The following ANK2 variants were observed in gnomAD, a reference collection of about 807,000 sequenced individuals.
ANK2 encodes ankyrin 2.
ANK2 carries 83 observed loss-of-function variants against 360.5 expected under a neutral mutation model. The ratio of observed to expected loss-of-function variants is 0.23; its 90% CI spans 0.19 to 0.28. The LOEUF (loss-of-function observed/expected upper bound fraction) is 0.28, where lower values mean the gene tolerates loss of function less well. Among genes scored for constraint, ANK2 ranks in the 10% least tolerant of loss-of-function variants. ANK2 has a pLI of 1.00. For missense variants in ANK2, 4,201 were observed against 4,795.7 expected (o/e 0.88, Z 3.66); for synonymous variants, 1,740 against 1,759.5 (o/e 0.99, Z 0.28).
chr4:112,710,988 C>T, the ANK2 span, among the ~76,000 whole-genome samples: 1 of 148,372 alleles, frequency 6.7e-6, no homozygotes, highest in African/African-American at 2.5e-5. Flanking sequence ...TGATATTTTA[C>T]TATGTTGTCC....
At chr4:113,090,925 C>A (rs1463848032) in intron 1 of ANK2, among the ~76,000 whole-genome samples, 1 of 152,172 alleles carries the variant, frequency 6.6e-6, no homozygotes, top group African/African-American at 2.4e-5. Context: ...AGAGTTGTGG[C>A]TGAAGGATTC....
intron 2 of ANK2, among the ~76,000 whole-genome samples, chr4:113,179,928 A>G (rs1005820135): frequency 2.0e-5 from 3 of 152,264 alleles, no homozygotes; most frequent in African/African-American, 7.2e-5. Context: ...CATTTATTTA[A>G]TACAATCCTG....
chr4:112,730,206 T>C, the ANK2 span, among the ~76,000 whole-genome samples: 3 of 138,368 alleles, frequency 2.2e-5, no homozygotes, highest in African/African-American at 8.3e-5. Flanking sequence ...TGAGCTGAGA[T>C]TGCACCACTG....
In ANK2 at chr4:112,917,655, C is replaced by A. The variant is rs1432892718; in HGVS notation, c.21+13141C>A. 2.0e-5 allele frequency among the ~76,000 whole-genome samples: 3 copies of A among 152,248 alleles called. No individual in the cohort carries two copies. In the East Asian group the frequency reaches 5.8e-4, roughly 29 times the overall value. ...ATTTATCATGGTTCAGCATTGAATC[C>A]TTACTTTGTAGGCTCAGAAACTAAG... is the stretch of plus-strand genomic sequence containing the variant. On this transcript the variant is annotated intron_variant, in intron 2 of 30. Transcript: ENST00000503271.
chr4:112,755,225 G>A, the ANK2 span, among the ~76,000 whole-genome samples: 1 of 152,148 alleles, frequency 6.6e-6, no homozygotes, highest in Non-Finnish European at 1.5e-5. Flanking sequence ...GCTTCCTTGT[G>A]TTGTTTAACT....
At chr4:113,003,246 G>A (rs1412969472) in intron 2 of ANK2, among the ~76,000 whole-genome samples, 1 of 152,100 alleles carries the variant, frequency 6.6e-6, no homozygotes, top group Non-Finnish European at 1.5e-5. Context: ...TTATATAATT[G>A]CAAGGTCTCA....
intron 14 of ANK2, among the ~76,000 whole-genome samples, chr4:113,266,707 G>A (rs542961811): frequency 6.6e-6 from 1 of 152,298 alleles, no homozygotes; most frequent in East Asian, 1.9e-4. Flanking sequence ...GAGAAACCCT[G>A]TCTCTACTGA....
At chr4:113,305,116 G>A (rs1240967952) in intron 23 of ANK2, among the ~76,000 whole-genome samples, 3 of 151,412 alleles carry the variant, frequency 2.0e-5, no homozygotes, top group African/African-American at 4.9e-5. Context: ...CGAGGCGGGC[G>A]GATCACGAGG....
At chr4:112,710,440 A>G in the ANK2 span, among the ~76,000 whole-genome samples, 14 of 152,342 alleles carry the variant, frequency 9.2e-5, no homozygotes, top group Non-Finnish European at 2.1e-4. Flanking sequence ...TCACGCCTGT[A>G]ATCTCAGCAC....
chr4:113,375,786 T>A (rs890323730), intron 45 of ANK2, among the ~76,000 whole-genome samples: 1 of 151,910 alleles, frequency 6.6e-6, no homozygotes, highest in Non-Finnish European at 1.5e-5. Flanking sequence ...CCACAAACTC[T>A]TACTAAAATC....
intron 1 of ANK2, among the ~76,000 whole-genome samples, chr4:113,124,660 A>G (rs994500730): frequency 6.6e-6 from 1 of 152,126 alleles, no homozygotes; most frequent in Non-Finnish European, 1.5e-5. Flanking sequence ...TCCTTCTTCC[A>G]TGTTCCTTTA....
At chr4:113,067,352 C>T (rs1353753550) in intron 1 of ANK2, among the ~76,000 whole-genome samples, 1 of 151,990 alleles carries the variant, frequency 6.6e-6, no homozygotes, top group Non-Finnish European at 1.5e-5. Context: ...CCAAGATGGC[C>T]CCTTGGTGTG....
At chr4:113,108,930 C>T (rs1379583947) in intron 1 of ANK2, among the ~76,000 whole-genome samples, 1 of 152,122 alleles carries the variant, frequency 6.6e-6, no homozygotes, top group African/African-American at 2.4e-5. Flanking sequence ...TCAAATGTTT[C>T]AAGTTGCAAT....
chr4:113,117,155 T>G, intron 1 of ANK2: 1 of 384,356 alleles, frequency 2.6e-6, no homozygotes, highest in South Asian at 2.0e-5. Context: ...GAGTGGATTA[T>G]CTTGTGAGTG....
intron 26 of ANK2, chr4:113,323,849 T>C: frequency 1.3e-6 from 2 of 1,539,508 alleles, no homozygotes; most frequent in South Asian, 2.4e-5. Context: ...TCTCCCCCTT[T>C]CGCCATCTCC....
At chr4:113,089,265 G>A (rs593773) in intron 1 of ANK2, among the ~76,000 whole-genome samples, 124,587 of 152,138 alleles carry the variant, frequency 0.82, 51,595 homozygotes, top group African/African-American at 0.95. Context: ...ATTCTTTTCT[G>A]TCTTTAATTT....
intron 1 of ANK2, among the ~76,000 whole-genome samples, chr4:112,904,221 A>T (rs1358554581): frequency 6.6e-6 from 1 of 152,182 alleles, no homozygotes; most frequent in Non-Finnish European, 1.5e-5. Flanking sequence ...CTTACAGATT[A>T]ATAGGCTATT....
intron 1 of ANK2, among the ~76,000 whole-genome samples, chr4:113,104,070 C>T (rs1473071190): frequency 6.6e-6 from 1 of 152,106 alleles, no homozygotes; most frequent in Non-Finnish European, 1.5e-5. Context: ...TTCTAAATCT[C>T]CTTTGTCCAC....
At chr4:112,723,791 T>A in the ANK2 span, among the ~76,000 whole-genome samples, 2 of 152,202 alleles carry the variant, frequency 1.3e-5, no homozygotes, top group African/African-American at 4.8e-5. Context: ...AGGTCACAGT[T>A]AGATGATGAT....
Sources: allele counts gnomAD v4.1 joint callset (sites outside exome capture counted in the v4.1 genomes callset), GRCh38; gene constraint gnomAD v4.1.1; transcripts MANE v1.5; gene names NCBI Gene and HGNC (gene_info 2026-07-23, HGNC 2026-07-21).